Variants in FIGN observed in about 807,000 individuals in gnomAD.
The protein encoded by FIGN is fidgetin.
A neutral mutation model predicts 51.3 loss-of-function variants in FIGN; 11 were observed. That is an observed-to-expected ratio of 0.21 (90% CI 0.13 to 0.35). The LOEUF (loss-of-function observed/expected upper bound fraction) is 0.35. Among genes scored for constraint, FIGN ranks in the 10% least tolerant of loss-of-function variants. The probability of loss-of-function intolerance (pLI) is 1.00; values close to 1 mark genes in which losing one functional copy is unlikely to be tolerated. For synonymous variants in FIGN, 407 were observed against 363.2 expected (o/e 1.12, Z -1.37); for missense variants, 857 against 943.6 (o/e 0.91, Z 1.20).
chr2:163,727,645 C>T (rs1423799564), intron 2 of FIGN, among the ~76,000 whole-genome samples: 1 of 152,134 alleles, frequency 6.6e-6, no homozygotes, highest in Non-Finnish European at 1.5e-5. Context: ...CACTTTCACC[C>T]CAGTCTTGGA....
intron 2 of FIGN, among the ~76,000 whole-genome samples, chr2:163,688,173 G>T (rs142020802): frequency 2.5e-3 from 380 of 152,160 alleles, no homozygotes; most frequent in African/African-American, 8.6e-3. Context: ...TGTCTTTATG[G>T]CAATGCCTGC....
At position 163,629,732 on chromosome 2, in the gene FIGN, A is replaced by C. The variant is rs571769042; in HGVS notation, c.26-17926T>G. 3.9e-5 allele frequency among the ~76,000 whole-genome samples: 6 copies of C among 152,192 alleles called. No homozygotes were observed. The South Asian group carries it at 1.0e-3, about 26-fold the overall frequency. On this transcript the variant is annotated intron_variant, in intron 2 of 2. Transcript: ENST00000333129. ...TTGTGGCAGAGACCATATGGCCCAC[A>C]TATCTAGAAATATTTACCGTCTATC...
At chr2:163,660,940 G>A (rs1573933809) in intron 2 of FIGN, among the ~76,000 whole-genome samples, 1 of 121,198 alleles carries the variant, frequency 8.3e-6, no homozygotes, top group Non-Finnish European at 1.6e-5. Flanking sequence ...CTGGAGTCCA[G>A]TGGCATGATC....
At chr2:163,676,434 AATATATATATATATATATATATATATAT>A (rs202072418) in intron 2 of FIGN, among the ~76,000 whole-genome samples, 6 of 65,872 alleles carry the variant, frequency 9.1e-5, no homozygotes, top group East Asian at 3.2e-4. Context: ...GGATTCCTGG[AATATATATATATATATATATATATATAT>A]ATATATATAT....
At chr2:163,631,002 T>C (rs1158902446) in intron 2 of FIGN, among the ~76,000 whole-genome samples, 2 of 152,226 alleles carry the variant, frequency 1.3e-5, no homozygotes, top group African/African-American at 2.4e-5. Context: ...GAATTCTTCC[T>C]GTGGTATAGC....
At chr2:163,696,734 C>A (rs553240646) in intron 2 of FIGN, among the ~76,000 whole-genome samples, 1 of 151,840 alleles carries the variant, frequency 6.6e-6, no homozygotes, top group Non-Finnish European at 1.5e-5. Flanking sequence ...GTGGTCCAGT[C>A]TCAGCTCACT....
chr2:163,660,094 C>G (rs931066981), intron 2 of FIGN, among the ~76,000 whole-genome samples: 1 of 151,170 alleles, frequency 6.6e-6, no homozygotes, highest in African/African-American at 2.4e-5. Flanking sequence ...GAGCAAGACT[C>G]TATCTCAAAA....
intron 2 of FIGN, among the ~76,000 whole-genome samples, chr2:163,637,281 C>T (rs190645331): frequency 6.6e-6 from 1 of 152,250 alleles, no homozygotes. Context: ...TGAAAAGAGA[C>T]CATGCATTCT....
chr2:163,654,985 G>T (rs1162805850), intron 2 of FIGN, among the ~76,000 whole-genome samples: 1 of 152,130 alleles, frequency 6.6e-6, no homozygotes, highest in Admixed American at 6.5e-5. Flanking sequence ...TTGAAGCAAG[G>T]TCCTTTAATG....
intron 2 of FIGN, among the ~76,000 whole-genome samples, chr2:163,662,702 G>T (rs550286249): frequency 6.6e-6 from 1 of 152,298 alleles, no homozygotes; most frequent in African/African-American, 2.4e-5. Context: ...GAATGATATG[G>T]TTTGGCTGTG....
chr2:163,704,846 T>A (rs1459160010), intron 2 of FIGN, among the ~76,000 whole-genome samples: 1 of 151,956 alleles, frequency 6.6e-6, no homozygotes, highest in African/African-American at 2.4e-5. Context: ...AATAAAATAC[T>A]CCAAATCTCC....
In FIGN at chr2:163,610,948, T is replaced by A. The variant is rs1370400527; in HGVS notation, c.884A>T (p.Tyr295Phe). 6.2e-7 allele frequency: 1 copy of A among 1,611,694 alleles called. No homozygotes were observed. Among genetic ancestry groups the A allele is most frequent in the Non-Finnish European group, 8.5e-7 (1 of 1,179,686 alleles). ...AATAGGTGTCAAACCATGGCCCTGG[T>A]AGGTGTAGCCAGGAACAGTGGTGGG... is the stretch of plus-strand genomic sequence containing the variant. ...LPPTTVPGYT[Y>F]QGHGLTPIAP... The change falls in exon 3 of 3, where the codon TAC (tyrosine) becomes TTC (phenylalanine). Residue 295 changes from tyrosine to phenylalanine, a missense_variant. Physicochemically the swap from Tyr to Phe is conservative, Grantham distance 22 (BLOSUM62 3). Around this residue, in one of 3 missense-constraint regions of FIGN, gnomAD observed 799 missense variants for 849.5 expected, o/e 0.94. Transcript: ENST00000333129.
rs1691136944 is a variant in FIGN at position 163,607,595 on chromosome 2, A to G, written c.*1957T>C. ...CGGTAAAAATTTTTGTAAGAAAAAA[A>G]AAACAGAAAGGCCTTTCTTGGGGCT... On this transcript the variant is annotated 3_prime_UTR_variant, in exon 3 of 3. Coordinates refer to ENST00000333129, the MANE Select transcript of FIGN (RefSeq NM_018086.4). The G allele has an allele frequency of 6.6e-6, 1 of 152,564 alleles. No individual in the cohort carries two copies. Among genetic ancestry groups the G allele is most frequent in the Non-Finnish European group, 1.5e-5 (1 of 68,018 alleles). The allele number at this position is 152,564 out of a possible 1,614,324, so 9.5% of individuals were successfully genotyped here.
At chr2:163,685,578 T>G (rs1414919298) in intron 2 of FIGN, among the ~76,000 whole-genome samples, 1 of 152,136 alleles carries the variant, frequency 6.6e-6, no homozygotes, top group Non-Finnish European at 1.5e-5. Flanking sequence ...GATTTTAGAT[T>G]AAGGTTATGT....
In FIGN at chr2:163,607,870, A is replaced by G. The variant is rs1212555095; in HGVS notation, c.*1682T>C. ...GCCAAACATCAGCCCACTATCAATG[A>G]AAGGTTGCACATAAAGCATTAAAGG... On this transcript the variant is annotated 3_prime_UTR_variant, in exon 3 of 3. Coordinates refer to ENST00000333129, the MANE Select transcript of FIGN (RefSeq NM_018086.4). 2 of 152,672 alleles carry G rather than the reference A, an allele frequency of 1.3e-5. No homozygotes were observed. Among genetic ancestry groups the G allele is most frequent in the Admixed American group, 6.5e-5 (1 of 15,282 alleles). The allele number at this position is 152,672 out of a possible 1,614,324, so 9.5% of individuals were successfully genotyped here. A position where few individuals can be genotyped will look rare whatever the true frequency, so the allele number is the denominator to read the frequency against.
At chr2:163,722,303 G>A (rs1684770616) in intron 2 of FIGN, among the ~76,000 whole-genome samples, 1 of 152,174 alleles carries the variant, frequency 6.6e-6, no homozygotes, top group South Asian at 2.1e-4. Flanking sequence ...GTATCATCAT[G>A]TTTCCAAGGA....
At chr2:163,675,555 T>C (rs749365547) in intron 2 of FIGN, among the ~76,000 whole-genome samples, 11 of 152,196 alleles carry the variant, frequency 7.2e-5, no homozygotes, top group Admixed American at 6.5e-5. Context: ...GTGACTCTAA[T>C]GCATGCAAAG....
chr2:163,683,604 A>G (rs1157050195), intron 2 of FIGN, among the ~76,000 whole-genome samples: 1 of 152,206 alleles, frequency 6.6e-6, no homozygotes, highest in Non-Finnish European at 1.5e-5. Flanking sequence ...TACTACAGAT[A>G]GATATGGGAA....
chr2:163,699,305 T>C (rs1457086710), intron 2 of FIGN, among the ~76,000 whole-genome samples: 2 of 152,176 alleles, frequency 1.3e-5, no homozygotes, highest in Admixed American at 1.3e-4. Flanking sequence ...AAAACCATGG[T>C]AGCTTTCAAA....
Sources: allele counts gnomAD v4.1 joint callset (sites outside exome capture counted in the v4.1 genomes callset), GRCh38; gene constraint gnomAD v4.1.1; regional missense constraint gnomAD v4.1.1; transcripts MANE v1.5; gene names NCBI Gene and HGNC (gene_info 2026-07-23, HGNC 2026-07-21).